Variants in ARL15 observed in about 807,000 individuals in gnomAD.
ARL15 encodes ARF like GTPase 15.
ARL15 carries 19 observed loss-of-function variants against 25.2 expected under a neutral mutation model. That is an observed-to-expected ratio of 0.75 (90% confidence interval 0.53 to 1.10). The LOEUF is 1.10. ARL15 is among the 50% of genes least tolerant of loss of function. The pLI, the probability that ARL15 is intolerant of heterozygous loss-of-function variation, is 0.00. For synonymous variants in ARL15, 94 were observed against 86.8 expected, an observed-to-expected ratio of 1.08 and a Z score of -0.46; for missense variants, 220 against 246.0, an observed-to-expected ratio of 0.89 and a Z score of 0.71.
chr5:54,023,109 A>G (rs1417091046), intron 4 of ARL15, among the ~76,000 whole-genome samples: 3 of 152,210 alleles, frequency 2.0e-5, no homozygotes, highest in Admixed American at 2.0e-4. Flanking sequence ...CAACCGAAAG[A>G]AACTAGACTG....
chr5:54,224,103 G>C (rs148123135), intron 1 of ARL15, among the ~76,000 whole-genome samples: 16 of 152,266 alleles, frequency 1.1e-4, no homozygotes, highest in African/African-American at 3.6e-4. Context: ...TTAGGTTTTA[G>C]AAAGTTAAGA....
chr5:54,152,265 A>G (rs1385212308), intron 3 of ARL15, among the ~76,000 whole-genome samples: 2 of 152,096 alleles, frequency 1.3e-5, no homozygotes, highest in Admixed American at 1.3e-4. Flanking sequence ...AATTCCCCCT[A>G]AGTGCACATA....
At chr5:53,997,112 G>A (rs1265165450) in intron 4 of ARL15, among the ~76,000 whole-genome samples, 1 of 152,058 alleles carries the variant, frequency 6.6e-6, no homozygotes, top group African/African-American at 2.4e-5. Flanking sequence ...AATGCAATTC[G>A]TTTGCTGAAC....
At chr5:54,062,500 G>A (rs191161471) in intron 4 of ARL15, among the ~76,000 whole-genome samples, 3 of 147,474 alleles carry the variant, frequency 2.0e-5, no homozygotes, top group East Asian at 2.0e-4. Flanking sequence ...TGAGACTCAC[G>A]AGATTTGGTG....
chr5:53,910,520 CT>C (rs1745412798), intron 4 of ARL15, among the ~76,000 whole-genome samples: 1 of 151,264 alleles, frequency 6.6e-6, no homozygotes, highest in African/African-American at 2.4e-5. Context: ...GAATTATGGT[CT>C]TAAATGACGA....
intron 4 of ARL15, among the ~76,000 whole-genome samples, chr5:54,054,987 T>C (rs1750818557): frequency 6.6e-6 from 1 of 152,186 alleles, no homozygotes; most frequent in Non-Finnish European, 1.5e-5. Context: ...TAAAAAGGCA[T>C]GTTGTGATAC....
intron 4 of ARL15, among the ~76,000 whole-genome samples, chr5:54,036,997 T>C (rs533605082): frequency 6.6e-6 from 1 of 152,254 alleles, no homozygotes; most frequent in Admixed American, 6.5e-5. Context: ...GGTTTATATC[T>C]TTTATAATTA....
At chr5:53,944,587 G>A (rs1266371941) in intron 4 of ARL15, among the ~76,000 whole-genome samples, 1 of 152,004 alleles carries the variant, frequency 6.6e-6, no homozygotes, top group African/African-American at 2.4e-5. Flanking sequence ...GTGAGACCCT[G>A]CCTCAAAAAA....
intron 4 of ARL15, among the ~76,000 whole-genome samples, chr5:54,060,314 C>T (rs906014525): frequency 2.0e-5 from 3 of 151,840 alleles, no homozygotes; most frequent in South Asian, 2.1e-4. Context: ...CTGTAATCCC[C>T]GCTACTCAGG....
At chr5:53,898,663 C>A (rs568237470) in intron 4 of ARL15, among the ~76,000 whole-genome samples, 174 of 151,820 alleles carry the variant, frequency 1.1e-3, no homozygotes, top group Non-Finnish European at 1.9e-3. Context: ...CCCCCCCTAC[C>A]CCCGACAGAC....
intron 4 of ARL15, among the ~76,000 whole-genome samples, chr5:53,971,759 G>A (rs1485737341): frequency 6.6e-6 from 1 of 152,264 alleles, no homozygotes; most frequent in African/African-American, 2.4e-5. Context: ...ATGCTGAGAG[G>A]CCAGAAAGGG....
chr5:53,922,230 T>C (rs765266655), intron 4 of ARL15, among the ~76,000 whole-genome samples: 58 of 152,176 alleles, frequency 3.8e-4, no homozygotes, highest in Admixed American at 1.3e-4. Flanking sequence ...GAAGTCTACA[T>C]TCAGTTCCGT....
intron 1 of ARL15, among the ~76,000 whole-genome samples, chr5:54,193,525 G>A (rs192864966): frequency 2.6e-5 from 4 of 152,194 alleles, no homozygotes; most frequent in African/African-American, 9.6e-5. Flanking sequence ...GAACCCTACT[G>A]TGAACTGCAC....
chr5:54,257,852 T>C (rs999684596), intron 1 of ARL15, among the ~76,000 whole-genome samples: 2 of 152,144 alleles, frequency 1.3e-5, no homozygotes, highest in Admixed American at 6.5e-5. Context: ...TGCTTTCCTG[T>C]TGGTTTTTTT....
intron 4 of ARL15, among the ~76,000 whole-genome samples, chr5:54,088,204 A>C (rs1752032272): frequency 6.6e-6 from 1 of 152,234 alleles, no homozygotes; most frequent in African/African-American, 2.4e-5. Flanking sequence ...AGAGAAAAAA[A>C]CAATTAATTC....
chr5:54,113,250 TA>T lies in ARL15; in HGVS notation c.413del (p.Leu138Ter). On this transcript the variant is annotated frameshift_variant, in exon 4 of 5. Coordinates refer to ENST00000504924, the MANE Select transcript of ARL15 (RefSeq NM_019087.3). LOFTEE classifies it high-confidence loss of function. ...QHPQLCTLPF[L>X]ILANHQDKPA... ...GCTTGTCTTGATGATTGGCCAATATTAAAAAGGGTAAAGTGCATAACTGTGG... is the reference window on the plus strand; with the variant it reads ...GCTTGTCTTGATGATTGGCCAATATTAAAAGGGTAAAGTGCATAACTGTGG... 1.9e-6 allele frequency: 3 copies of T among 1,613,872 alleles called. No individual in the cohort carries two copies. Among genetic ancestry groups the T allele is most frequent in the Non-Finnish European group, 2.5e-6 (3 of 1,179,860 alleles).
chr5:53,937,061 A>G (rs1746370187), intron 4 of ARL15, among the ~76,000 whole-genome samples: 1 of 152,212 alleles, frequency 6.6e-6, no homozygotes, highest in Non-Finnish European at 1.5e-5. Context: ...AATTCCCCCA[A>G]GGGAACACAG....
At chr5:54,016,163 T>G (rs1448065946) in intron 4 of ARL15, among the ~76,000 whole-genome samples, 1 of 152,188 alleles carries the variant, frequency 6.6e-6, no homozygotes, top group Non-Finnish European at 1.5e-5. Context: ...TGTCAGTTCA[T>G]GTCTTAGGCT....
chr5:54,230,155 G>A (rs67089826), intron 1 of ARL15, among the ~76,000 whole-genome samples: 12,297 of 151,968 alleles, frequency 0.081, 709 homozygotes, highest in African/African-American at 0.16. Flanking sequence ...TTCAAGACCA[G>A]CCTGGCCAAT....
Sources: allele counts gnomAD v4.1 joint callset (sites outside exome capture counted in the v4.1 genomes callset), GRCh38; gene constraint gnomAD v4.1.1; transcripts MANE v1.5; gene names NCBI Gene and HGNC (gene_info 2026-07-23, HGNC 2026-07-21).